Variants in RPS6KA2 observed in about 807,000 individuals in gnomAD.
RPS6KA2 encodes ribosomal protein S6 kinase alpha-2.
Under a neutral mutation model 91.8 loss-of-function variants are expected in RPS6KA2, and 42 were observed. The observed-to-expected ratio is 0.46, with a 90% CI of 0.36 to 0.59. The LOEUF (loss-of-function observed/expected upper bound fraction) is 0.59, where lower values mean the gene tolerates loss of function less well. Ranked by LOEUF, RPS6KA2 falls within the 20% of genes least tolerant of loss-of-function variation. The pLI, the probability that RPS6KA2 is intolerant of heterozygous loss-of-function variation, is 0.00. For missense variants in RPS6KA2, 798 were observed against 978.5 expected (o/e 0.82, Z 2.46); for synonymous variants, 414 against 393.6 (o/e 1.05, Z -0.61).
chr6:166,756,358 T>C (rs1174877515), intron 2 of RPS6KA2, among the ~76,000 whole-genome samples: 1 of 152,214 alleles, frequency 6.6e-6, no homozygotes, highest in Non-Finnish European at 1.5e-5. Context: ...AATAATGTCA[T>C]ACCCATGGGT....
chr6:166,591,637 G>T (rs547307865), intron 1 of RPS6KA2, among the ~76,000 whole-genome samples: 2 of 152,238 alleles, frequency 1.3e-5, no homozygotes, highest in South Asian at 4.2e-4. Flanking sequence ...AAACCAGAAG[G>T]GGCAAGGAAG....
intron 2 of RPS6KA2, among the ~76,000 whole-genome samples, chr6:166,774,275 T>C (rs1048186609): frequency 6.6e-6 from 1 of 152,192 alleles, no homozygotes; most frequent in African/African-American, 2.4e-5. Flanking sequence ...GTCTTGAAGA[T>C]TGTGCACGTT....
Position 166,635,767 on chromosome 6 carries a change from C to T in RPS6KA2, c.124-96983G>A, listed in dbSNP as rs116871503. On this transcript the variant is annotated intron_variant, in intron 2 of 21. Transcript: ENST00000503859. This position sits in a 1 kb window ranked among gnomAD's most constrained non-coding sequence, Gnocchi z 4.8. ...CAACTCTGAGCCTGCCCACCTACTGCGCTCACCCCAGGACAAGCCACCATC... is the reference window on the plus strand; with the variant it reads ...CAACTCTGAGCCTGCCCACCTACTGTGCTCACCCCAGGACAAGCCACCATC... 0.012 allele frequency among the ~76,000 whole-genome samples: 1,785 copies of T among 152,138 alleles called. 29 individuals carry two copies. The highest frequency in any genetic ancestry group is 0.062 in the South Asian group (299 of 4,824).
intron 16 of RPS6KA2, among the ~76,000 whole-genome samples, chr6:166,427,345 A>C (rs979216858): frequency 6.6e-6 from 1 of 152,252 alleles, no homozygotes; most frequent in African/African-American, 2.4e-5. Flanking sequence ...AGCCAATATC[A>C]TACTGAATGA....
rs747056608 is a variant in RPS6KA2, at chr6:166,437,483, G to A, written c.1333-4993C>T. On this transcript the variant is annotated intron_variant, in intron 14 of 20. Transcript: ENST00000265678. The surrounding 1 kb of genome is among the most constrained non-coding windows in gnomAD (Gnocchi z 4.3). Reference sequence around the variant, plus strand: ...GTGTCGTGGGGCGGGGGACAAGCTCGCTCAGCTTTCTTTTTCTCATCTGGC... The same window carrying A: ...GTGTCGTGGGGCGGGGGACAAGCTCACTCAGCTTTCTTTTTCTCATCTGGC... Among the ~76,000 whole-genome samples the A allele has an allele frequency of 9.9e-5, 15 of 152,136 alleles. No homozygotes were observed. Among genetic ancestry groups the A allele is most frequent in the Admixed American group, 2.6e-4 (4 of 15,270 alleles).
chr6:166,501,969 G>A (rs1455553263), intron 6 of RPS6KA2, among the ~76,000 whole-genome samples: 1 of 152,188 alleles, frequency 6.6e-6, no homozygotes, highest in Non-Finnish European at 1.5e-5. Flanking sequence ...GTCCCCAAAC[G>A]ACAGGTATTA....
intron 11 of RPS6KA2, 62 bp downstream of exon 11, chr6:166,469,779 T>G: frequency 6.9e-7 from 1 of 1,439,076 alleles, no homozygotes; most frequent in East Asian, 2.3e-5. Context: ...CCAAGCCGTA[T>G]GTTCCCTCCA....
intron 2 of RPS6KA2, among the ~76,000 whole-genome samples, chr6:166,840,959 G>C (rs1319358097): frequency 1.3e-5 from 2 of 151,132 alleles, no homozygotes; most frequent in African/African-American, 4.9e-5. Context: ...GCGAAACTTT[G>C]TCTAAAGAAA....
rs369543913 is a variant in RPS6KA2, at chr6:166,833,842, A to T, written c.123+24358T>A. Among the ~76,000 whole-genome samples the T allele has an allele frequency of 4.3e-4, 66 of 152,254 alleles. 1 individual carries two copies. Among genetic ancestry groups the T allele is most frequent in the African/African-American group, 1.5e-3 (61 of 41,540 alleles). ...TAAATGTCCACATTCAGGCATTTTC[A>T]TGGATGTATGTTTTTATTCCTTTTG... On this transcript the variant is annotated intron_variant, in intron 2 of 21. Coordinates refer to the RPS6KA2 transcript ENST00000503859.
At chr6:166,743,147 G>A (rs1374550531) in intron 2 of RPS6KA2, among the ~76,000 whole-genome samples, 2 of 152,110 alleles carry the variant, frequency 1.3e-5, no homozygotes, top group Admixed American at 6.5e-5. Flanking sequence ...CCCTGGAGCC[G>A]AGGCCAGCTC....
At chr6:166,428,682 C>T (rs1422349735) in intron 16 of RPS6KA2, among the ~76,000 whole-genome samples, 32 of 151,556 alleles carry the variant, frequency 2.1e-4, no homozygotes, top group Non-Finnish European at 2.9e-4. Context: ...GACATTTATG[C>T]AGCCAAAAAA....
intron 2 of RPS6KA2, chr6:166,771,044 T>C (rs1419032398): frequency 8.9e-6 from 6 of 673,300 alleles, no homozygotes; most frequent in Non-Finnish European, 1.4e-5. Context: ...AACATTAATC[T>C]CCACATAATT....
At chr6:166,638,563 C>T (rs189091468) in intron 2 of RPS6KA2, among the ~76,000 whole-genome samples, 70 of 152,288 alleles carry the variant, frequency 4.6e-4, no homozygotes, top group Non-Finnish European at 8.4e-4. Flanking sequence ...TAAAAACGAC[C>T]GCGGTAAGCA....
At position 166,757,582 on chromosome 6, in the gene RPS6KA2, C is replaced by T. The variant is rs190269722; in HGVS notation, c.123+100618G>A. The T allele has an allele frequency of 6.6e-6, 3 of 456,312 alleles. No homozygotes were observed. In the Admixed American group the frequency reaches 7.0e-5, roughly 11 times the overall value. The allele number at this position is 456,312 out of a possible 1,614,324, so 28.3% of individuals were successfully genotyped here. A position where few individuals can be genotyped will look rare whatever the true frequency, so the allele number is the denominator to read the frequency against. ...GTGTGGCAGCCTGATCATCATGATGCACTCCCCAGGTCCCGGGGGCCGGGC... is the reference window on the plus strand; with the variant it reads ...GTGTGGCAGCCTGATCATCATGATGTACTCCCCAGGTCCCGGGGGCCGGGC... On this transcript the variant is annotated intron_variant, in intron 2 of 21. Coordinates refer to the RPS6KA2 transcript ENST00000503859.
At chr6:166,651,457 G>T (rs1787852845) in intron 2 of RPS6KA2, among the ~76,000 whole-genome samples, 2 of 152,204 alleles carry the variant, frequency 1.3e-5, no homozygotes, top group African/African-American at 2.4e-5. Context: ...CTTGGCAATG[G>T]GTTTGTAATA....
chr6:166,519,426 A>G (rs1354882307), intron 3 of RPS6KA2, among the ~76,000 whole-genome samples: 2 of 152,254 alleles, frequency 1.3e-5, no homozygotes, highest in Non-Finnish European at 2.9e-5. Flanking sequence ...ATAAGTTAAA[A>G]TTTCATTGTC....
intron 2 of RPS6KA2, among the ~76,000 whole-genome samples, chr6:166,664,953 A>C (rs1788273312): frequency 6.6e-6 from 1 of 152,178 alleles, no homozygotes; most frequent in African/African-American, 2.4e-5. Flanking sequence ...GGATAAGAGA[A>C]AACAAGTCTG....
chr6:166,705,425 C>G (rs998804299), intron 2 of RPS6KA2, among the ~76,000 whole-genome samples: 3 of 152,198 alleles, frequency 2.0e-5, no homozygotes, highest in Admixed American at 6.5e-5. Context: ...CACCACCCTC[C>G]GCACAAACCC....
upstream of RPS6KA2, among the ~76,000 whole-genome samples, chr6:166,628,396 G>T (rs1786974617): frequency 6.6e-6 from 1 of 152,250 alleles, no homozygotes; most frequent in Admixed American, 6.5e-5. Context: ...AACGAGTGCG[G>T]TGGTGAGTTG....
Sources: allele counts gnomAD v4.1 joint callset (sites outside exome capture counted in the v4.1 genomes callset), GRCh38; gene constraint gnomAD v4.1.1; non-coding constraint Gnocchi (gnomAD v3.1); transcripts MANE v1.5; gene names NCBI Gene and HGNC (gene_info 2026-07-23, HGNC 2026-07-21).